CAST: variants seen among roughly 807,000 people sequenced by gnomAD.
CAST encodes MIR583 host.
CAST carries 76 observed loss-of-function variants against 119.6 expected under a neutral mutation model. The ratio of observed to expected loss-of-function variants is 0.64; its 90% CI spans 0.53 to 0.77. CAST has a LOEUF of 0.77. CAST is among the 30% of genes least tolerant of loss of function. The pLI, the probability that CAST is intolerant of heterozygous loss-of-function variation, is 0.00. For missense variants in CAST, 953 were observed against 946.5 expected, an observed-to-expected ratio of 1.01 and a Z score of -0.09; for synonymous variants, 319 against 331.6, an observed-to-expected ratio of 0.96 and a Z score of 0.41.
chr5:96,018,474 A>G, the CAST span, among the ~76,000 whole-genome samples: 1 of 152,142 alleles, frequency 6.6e-6, no homozygotes, highest in East Asian at 1.9e-4. Flanking sequence ...GGTTCCATTT[A>G]TTTCATCCCT....
intron 1 of CAST, among the ~76,000 whole-genome samples, chr5:96,586,928 C>T (rs559922591): frequency 5.3e-5 from 8 of 152,168 alleles, no homozygotes; most frequent in African/African-American, 9.6e-5. Flanking sequence ...TTTTTATCTC[C>T]GTATTACAGA....
At chr5:96,223,277 A>G in the CAST span, among the ~76,000 whole-genome samples, 2 of 152,294 alleles carry the variant, frequency 1.3e-5, no homozygotes, top group South Asian at 4.1e-4. Flanking sequence ...AGGACTTGAA[A>G]TGTTACCAAC....
the CAST span, among the ~76,000 whole-genome samples, chr5:95,992,402 T>A: frequency 6.6e-6 from 1 of 151,710 alleles, no homozygotes; most frequent in Non-Finnish European, 1.5e-5. Flanking sequence ...GGTACTTCTC[T>A]ATGCTTTTTT....
Position 96,727,483 on chromosome 5 carries a change from A to C in CAST, c.337-6A>C. On this transcript the variant is annotated splice_polypyrimidine_tract_variant and splice_region_variant and intron_variant, in intron 5 of 31. Coordinates refer to ENST00000675179, the MANE Select transcript of CAST (RefSeq NM_001750.7). ...CCTTTTTTTCTTTCTTTTTTTCTGA[A>C]CTTAGGCTGTAAAAACAGAACCTGA... The C allele has an allele frequency of 6.6e-7, 1 of 1,523,188 alleles. No individual in the cohort carries two copies. Among genetic ancestry groups the C allele is most frequent in the Non-Finnish European group, 9.0e-7 (1 of 1,113,496 alleles). The allele number at this position is 1,523,188 out of a possible 1,614,324, so 94.4% of individuals were successfully genotyped here.
the CAST span, among the ~76,000 whole-genome samples, chr5:96,413,800 CAAAA>C: frequency 5.5e-4 from 58 of 105,684 alleles, 1 homozygote; most frequent in South Asian, 1.0e-3. Context: ...GACTCTGTCT[CAAAA>C]AAAAAAAAAA....
chr5:96,600,058 C>T (rs1747122858), intron 1 of CAST, among the ~76,000 whole-genome samples: 1 of 150,206 alleles, frequency 6.7e-6, no homozygotes, highest in Non-Finnish European at 1.5e-5. Flanking sequence ...AGTGGCTAGA[C>T]AACTTTCAGG....
intron 1 of CAST, among the ~76,000 whole-genome samples, chr5:96,640,695 G>A (rs530822795): frequency 5.9e-5 from 9 of 152,332 alleles, no homozygotes; most frequent in African/African-American, 2.2e-4. Context: ...TATGGAGATG[G>A]AATGCCCTTT....
At chr5:96,229,947 G>A in the CAST span, among the ~76,000 whole-genome samples, 1 of 152,118 alleles carries the variant, frequency 6.6e-6, no homozygotes, top group South Asian at 2.1e-4. Context: ...CTCCCACCTG[G>A]ACGCAGACAG....
chr5:96,763,227 A>G (rs1421457169), intron 25 of CAST: 2 of 780,778 alleles, frequency 2.6e-6, no homozygotes, highest in South Asian at 2.7e-5. Context: ...CTTCAGGATC[A>G]TCTGAAAATA....
Position 96,676,009 on chromosome 5 carries a change from A to G in CAST, c.138+408A>G, listed in dbSNP as rs548458676. ...CCAGATTAACCAGTCCTTCAGATTCATAAACAAAAGGAAGAGATAACTATT... is the reference window on the plus strand; with the variant it reads ...CCAGATTAACCAGTCCTTCAGATTCGTAAACAAAAGGAAGAGATAACTATT... On this transcript the variant is annotated intron_variant, in intron 2 of 31. Transcript: ENST00000675179. The G allele has an allele frequency of 3.2e-5, 5 of 156,248 alleles. No homozygotes were observed. In the East Asian group the frequency reaches 5.6e-4, roughly 17 times the overall value. 9.7% of individuals were successfully genotyped at this position (156,248 alleles called of 1,614,324 possible).
intron 1 of CAST, among the ~76,000 whole-genome samples, chr5:96,633,307 G>A (rs751534438): frequency 1.6e-4 from 25 of 152,240 alleles, no homozygotes; most frequent in Admixed American, 3.3e-4. Context: ...TAGTATTGCC[G>A]TATTAACAAT....
chr5:96,433,401 G>A, the CAST span: 3,433 of 359,314 alleles, frequency 9.6e-3, 133 homozygotes, highest in East Asian at 0.12. Context: ...CCAGGGATTA[G>A]GAAAAGGAAG....
the CAST span, among the ~76,000 whole-genome samples, chr5:96,330,236 C>A: frequency 6.6e-6 from 1 of 152,108 alleles, no homozygotes; most frequent in South Asian, 2.1e-4. Flanking sequence ...ACAAAGATGG[C>A]AGTTTTATAT....
chr5:96,416,008 C>T, the CAST span: 1 of 1,441,636 alleles, frequency 6.9e-7, no homozygotes, highest in South Asian at 1.1e-5. Context: ...AAATGCCAAG[C>T]TATAGGGACA....
At chr5:96,398,955 C>T in the CAST span, 2 of 1,612,286 alleles carry the variant, frequency 1.2e-6, no homozygotes, top group African/African-American at 1.3e-5. Flanking sequence ...GTACATGCTC[C>T]AGGGACTTGA....
the CAST span, among the ~76,000 whole-genome samples, chr5:96,511,049 G>C: frequency 6.6e-6 from 1 of 152,172 alleles, no homozygotes; most frequent in Non-Finnish European, 1.5e-5. Context: ...CTCAGCCACT[G>C]TCACATTGCT....
At chr5:96,518,286 A>G in the CAST span, among the ~76,000 whole-genome samples, 1 of 152,232 alleles carries the variant, frequency 6.6e-6, no homozygotes, top group African/African-American at 2.4e-5. Context: ...CCTCCTCTAC[A>G]GATATTATAT....
intron 1 of CAST, among the ~76,000 whole-genome samples, chr5:96,586,261 T>A (rs1746858030): frequency 6.6e-6 from 1 of 152,240 alleles, no homozygotes; most frequent in Non-Finnish European, 1.5e-5. Context: ...GGCTCCTTTT[T>A]TTTCCCCTGT....
the CAST span, among the ~76,000 whole-genome samples, chr5:96,010,143 T>A: frequency 1.2e-4 from 18 of 152,160 alleles, no homozygotes; most frequent in Non-Finnish European, 2.5e-4. Context: ...TTTTATTTCA[T>A]TGGTCTATGT....
Sources: allele counts gnomAD v4.1 joint callset (sites outside exome capture counted in the v4.1 genomes callset), GRCh38; gene constraint gnomAD v4.1.1; transcripts MANE v1.5; gene names NCBI Gene and HGNC (gene_info 2026-07-23, HGNC 2026-07-21).